Variants in WDR20 observed in about 807,000 individuals in gnomAD.
WDR20 encodes the protein WD repeat domain 20.
A neutral mutation model predicts 38.7 loss-of-function variants in WDR20; 3 were observed. That is an observed-to-expected ratio of 0.08 (90% confidence interval 0.04 to 0.20). WDR20 has a LOEUF of 0.20. Among genes scored for constraint, WDR20 ranks in the 10% least tolerant of loss-of-function variants. WDR20 has a pLI of 1.00. For missense variants in WDR20, 559 were observed against 727.7 expected, an observed-to-expected ratio of 0.77 and a Z score of 2.67; for synonymous variants, 298 against 285.6, an observed-to-expected ratio of 1.04 and a Z score of -0.44.
At chr14:102,197,189 G>A (rs1185419722) in intron 2 of WDR20, among the ~76,000 whole-genome samples, 1 of 152,186 alleles carries the variant, frequency 6.6e-6, no homozygotes, top group East Asian at 1.9e-4. Context: ...GTCCAGATCA[G>A]GTAGCAAGTT....
chr14:102,196,630 CAAG>C (rs1382559068), intron 2 of WDR20, among the ~76,000 whole-genome samples: 4 of 151,966 alleles, frequency 2.6e-5, no homozygotes, highest in Non-Finnish European at 5.9e-5. Flanking sequence ...GCTTAGAGAA[CAAG>C]AAAGTTTTGT....
intron 1 of WDR20, among the ~76,000 whole-genome samples, chr14:102,142,552 C>G (rs550692379): frequency 6.6e-6 from 1 of 152,102 alleles, no homozygotes; most frequent in South Asian, 2.1e-4. Flanking sequence ...CTCCTGGGCT[C>G]AAATGATCTT....
intron 1 of WDR20, among the ~76,000 whole-genome samples, chr14:102,148,669 TTGTG>T (rs10525828): frequency 0.032 from 4,608 of 144,876 alleles, 207 homozygotes; most frequent in African/African-American, 0.1. Context: ...GAGTTTGGCT[TTGTG>T]TGTGTGTGTG....
At chr14:102,155,785 C>CTT (rs1175213294) in intron 1 of WDR20, among the ~76,000 whole-genome samples, 6 of 144,476 alleles carry the variant, frequency 4.2e-5, no homozygotes, top group Non-Finnish European at 7.6e-5. Flanking sequence ...ACATTTTTTC[C>CTT]TTTTTTTTTT....
chr14:102,202,312 G>T (rs1049725670), intron 2 of WDR20, among the ~76,000 whole-genome samples: 2 of 151,626 alleles, frequency 1.3e-5, no homozygotes, highest in Non-Finnish European at 2.9e-5. Context: ...GGCACTTCTG[G>T]GTTGTTTGCT....
chr14:102,185,111 A>G (rs2152899526), intron 1 of WDR20, among the ~76,000 whole-genome samples: 1 of 152,338 alleles, frequency 6.6e-6, no homozygotes, highest in Admixed American at 6.5e-5. Flanking sequence ...TCTGCAGGAA[A>G]TTTAGGGCAG....
At chr14:102,204,665 C>T (rs999001437) in intron 2 of WDR20, among the ~76,000 whole-genome samples, 2 of 152,212 alleles carry the variant, frequency 1.3e-5, no homozygotes, top group Admixed American at 6.5e-5. Context: ...TGTAGGGAGA[C>T]AGGCATGACT....
chr14:102,224,726 A>G (rs2064171114), downstream of WDR20: 1 of 455,930 alleles, frequency 2.2e-6, no homozygotes. Context: ...TTGAGTTCTC[A>G]GCCTGCCCCA....
At chr14:102,206,696 G>T (rs1234586269) in intron 2 of WDR20, among the ~76,000 whole-genome samples, 3 of 152,248 alleles carry the variant, frequency 2.0e-5, no homozygotes, top group Non-Finnish European at 2.9e-5. Context: ...GACAAGGCCA[G>T]TGATGGAGCG....
chr14:102,157,808 G>A lies in WDR20; in HGVS notation c.249+17636G>A, dbSNP rs568392315. On this transcript the variant is annotated intron_variant, in intron 1 of 2. Coordinates refer to ENST00000342702, the MANE Select transcript of WDR20 (RefSeq NM_144574.4). ...GGCTGAAGCTTGTGCAAGGCTTGGG[G>A]AGGGTAGGATTATCTTCCTTAGTGG... 1.8e-4 allele frequency among the ~76,000 whole-genome samples: 27 copies of A among 152,268 alleles called. 1 individual carries two copies. The South Asian group carries it at 5.4e-3, about 30-fold the overall frequency.
At chr14:102,148,540 CAA>C (rs57236717) in intron 1 of WDR20, among the ~76,000 whole-genome samples, 187 of 131,612 alleles carry the variant, frequency 1.4e-3, no homozygotes, top group Non-Finnish European at 1.8e-3. Flanking sequence ...GACTCTGTCT[CAA>C]AAAAAAAAAA....
chr14:102,169,728 A>G (rs945471683), intron 1 of WDR20, among the ~76,000 whole-genome samples: 4 of 152,018 alleles, frequency 2.6e-5, no homozygotes, highest in East Asian at 1.9e-4. Flanking sequence ...GGGTTTCACC[A>G]TGTTGGCCAG....
intron 1 of WDR20, among the ~76,000 whole-genome samples, chr14:102,161,909 T>C (rs1464690229): frequency 6.6e-6 from 1 of 152,178 alleles, no homozygotes; most frequent in Non-Finnish European, 1.5e-5. Context: ...CAAACCTCCT[T>C]CTTTGACTTG....
intron 1 of WDR20, among the ~76,000 whole-genome samples, chr14:102,190,572 A>G (rs2066094929): frequency 6.6e-6 from 1 of 152,146 alleles, no homozygotes; most frequent in Admixed American, 6.5e-5. Context: ...CAGCCTGGGC[A>G]ACAAGAGGGA....
chr14:102,215,034 CATCT>C (rs2063047652), downstream of WDR20: 10 of 967,170 alleles, frequency 1.0e-5, no homozygotes, highest in Non-Finnish European at 1.1e-5. Flanking sequence ...GTCATTTTCA[CATCT>C]AAGCTTTAAA....
chr14:102,219,566 TC>T (rs929159868), downstream of WDR20, among the ~76,000 whole-genome samples: 14 of 152,370 alleles, frequency 9.2e-5, no homozygotes, highest in Admixed American at 9.1e-4. Flanking sequence ...CGCTTCGCCT[TC>T]CGGTTAACTC....
chr14:102,146,654 A>G (rs1245592294), intron 1 of WDR20, among the ~76,000 whole-genome samples: 1 of 152,182 alleles, frequency 6.6e-6, no homozygotes, highest in Non-Finnish European at 1.5e-5. Flanking sequence ...CTGCAGGACC[A>G]CCTGTTGGTG....
At chr14:102,198,292 A>G (rs766650885) in intron 2 of WDR20, 107 of 346,672 alleles carry the variant, frequency 3.1e-4, no homozygotes, top group Non-Finnish European at 1.3e-4. Flanking sequence ...TAATTTTTGT[A>G]TTTTTAGTAG....
At chr14:102,212,998 G>A (rs375313646), downstream of WDR20, 224 of 994,486 alleles carry the variant, frequency 2.3e-4, 3 homozygotes, top group East Asian at 0.015. Context: ...TGCACGCTGC[G>A]TGGCTGGAGA....
Sources: gnomAD v4.1 joint callset for allele counts (sites outside exome capture counted in the v4.1 genomes callset) on GRCh38, gnomAD v4.1.1 for gene constraint, MANE v1.5 for transcripts, NCBI Gene and HGNC (gene_info 2026-07-23, HGNC 2026-07-21) for gene names.